Variants in TTC7A observed in about 807,000 individuals in gnomAD.
TTC7A encodes the protein tetratricopeptide repeat domain 7A, also known as tetratricopeptide repeat protein 7A.
A neutral mutation model predicts 103.7 loss-of-function variants in TTC7A; 110 were observed. The ratio of observed to expected loss-of-function variants is 1.06; its 90% CI spans 0.91 to 1.24. The LOEUF is 1.24. TTC7A is among the 50% of genes most tolerant of loss of function. The probability of loss-of-function intolerance (pLI) is 0.00; values close to 1 mark genes in which losing one functional copy is unlikely to be tolerated. For synonymous variants in TTC7A, 521 were observed against 467.9 expected (o/e 1.11, Z -1.47); for missense variants, 1,340 against 1,116.3 (o/e 1.20, Z -2.86).
At chr2:47,006,848 G>C in intron 10 of TTC7A, 124 bp downstream of exon 10, 1 of 757,768 alleles carries the variant, frequency 1.3e-6, no homozygotes. Flanking sequence ...TTGAACCTCC[G>C]GGAGAGTGAG....
chr2:47,001,545 T>C lies in TTC7A; in HGVS notation c.1066-4377T>C, dbSNP rs1676804030. Among the ~76,000 whole-genome samples the C allele has an allele frequency of 3.9e-5, 6 of 152,206 alleles. No homozygotes were observed. The South Asian group carries it at 1.2e-3, about 32-fold the overall frequency. On this transcript the variant is annotated intron_variant, in intron 8 of 19. Coordinates refer to ENST00000319190, the MANE Select transcript of TTC7A (RefSeq NM_020458.4). ...GTGAGGCCAGATGAGACGGTGGATG[T>C]GACAATTCAGCTTCTAAAGGAGTAA...
rs7560422 is a variant in TTC7A at position 46,949,842 on chromosome 2, C to T, written c.185-521C>T. Reference sequence around the variant, plus strand: ...GGAGTGCCATGATCATGCCAGTGCACTCCAGCTAGGGTGGCAGAGTGAGAC... The same window carrying T: ...GGAGTGCCATGATCATGCCAGTGCATTCCAGCTAGGGTGGCAGAGTGAGAC... On this transcript the variant is annotated intron_variant, in intron 1 of 19. Coordinates refer to ENST00000319190, the MANE Select transcript of TTC7A (RefSeq NM_020458.4). Among the ~76,000 whole-genome samples, 343 of 152,190 alleles carry T rather than the reference C, an allele frequency of 2.3e-3. 4 individuals are homozygous for T. The highest frequency in any genetic ancestry group is 8.0e-3 in the African/African-American group (331 of 41,534).
At chr2:47,033,186 C>T (rs1680748926) in intron 15 of TTC7A, among the ~76,000 whole-genome samples, 1 of 152,220 alleles carries the variant, frequency 6.6e-6, no homozygotes, top group South Asian at 2.1e-4. Context: ...GCCCTGTGTG[C>T]CTCCAGCTGT....
At chr2:46,916,151 C>T (rs1426614420), upstream of TTC7A, 6 of 985,424 alleles carry the variant, frequency 6.1e-6, no homozygotes, top group African/African-American at 5.2e-5. Context: ...CAACTCCGCT[C>T]ACCCCCTCCT....
At chr2:47,063,922 A>G (rs991748768) in intron 19 of TTC7A, among the ~76,000 whole-genome samples, 1 of 152,244 alleles carries the variant, frequency 6.6e-6, no homozygotes, top group Admixed American at 6.5e-5. Context: ...AAGAGGCTGA[A>G]GAAAGCCCAC....
intron 5 of TTC7A, among the ~76,000 whole-genome samples, chr2:46,986,054 G>A (rs928465569): frequency 1.3e-5 from 2 of 152,196 alleles, no homozygotes; most frequent in Non-Finnish European, 2.9e-5. Flanking sequence ...ACATTGGCAC[G>A]TGTCCTGGGT....
Position 47,046,338 on chromosome 2 carries a change from T to C in TTC7A, c.1826T>C (p.Leu609Pro). 6.2e-7 allele frequency: 1 copy of C among 1,614,136 alleles called. No homozygotes were observed. Among genetic ancestry groups the C allele is most frequent in the Non-Finnish European group, 8.5e-7 (1 of 1,180,014 alleles). ...NFNLMFTKVK[L>P]EQVLKGPEEA... is the part of the protein sequence containing the mutation. ...AGCCTGATGTTCACCAAGGTGAAGC[T>C]GGAGCAGGTGCTGAAAGGCCCAGAG... is the stretch of plus-strand genomic sequence containing the variant. Residue 609 changes from leucine to proline, a missense_variant, in exon 16 of 20, where the codon CTG (leucine) becomes CCG (proline). Coordinates refer to ENST00000319190, the MANE Select transcript of TTC7A (RefSeq NM_020458.4).
rs1279203026 is a variant in TTC7A, at chr2:46,961,580, T to TAAATAAATAAAA, written c.517+4584_517+4585insAAAATAAATAAA. Among the ~76,000 whole-genome samples the TAAATAAATAAAA allele has an allele frequency of 2.2e-3, 320 of 145,076 alleles. 2 individuals are homozygous for TAAATAAATAAAA. The highest frequency in any genetic ancestry group is 7.9e-3 in the African/African-American group (308 of 38,914). On this transcript the variant is annotated intron_variant, in intron 3 of 19. Transcript: ENST00000319190. Reference sequence around the variant, plus strand: ...TGACAGAGCAAGACTCCATCTCAAATAAATAAATAAATAAATAAATAAATA... The same window carrying TAAATAAATAAAA: ...TGACAGAGCAAGACTCCATCTCAAATAAATAAATAAAAAAATAAATAAATAAATAAATAAATA...
intron 8 of TTC7A, among the ~76,000 whole-genome samples, chr2:47,003,725 G>A (rs994534824): frequency 2.0e-5 from 3 of 152,148 alleles, no homozygotes; most frequent in Admixed American, 1.3e-4. Context: ...CCTCCACTCG[G>A]GGATGTGCAT....
At chr2:47,071,508 C>T (rs189885508) in intron 19 of TTC7A, among the ~76,000 whole-genome samples, 2 of 152,328 alleles carry the variant, frequency 1.3e-5, no homozygotes, top group Admixed American at 6.5e-5. Flanking sequence ...TCAAGTTGAT[C>T]ATTGCAGAAT....
At chr2:46,932,762 G>A (rs1309084453) in intron 2 of TTC7A, among the ~76,000 whole-genome samples, 2 of 151,690 alleles carry the variant, frequency 1.3e-5, no homozygotes, top group African/African-American at 2.4e-5. Flanking sequence ...TTAGCCAAGA[G>A]TGGTGGTGCA....
At chr2:46,985,568 T>G (rs1311494532) in intron 5 of TTC7A, among the ~76,000 whole-genome samples, 1 of 152,254 alleles carries the variant, frequency 6.6e-6, no homozygotes, top group African/African-American at 2.4e-5. Flanking sequence ...TGTATAATCC[T>G]GTGATGCAGG....
chr2:47,072,596 C>T (rs768738789), intron 19 of TTC7A, among the ~76,000 whole-genome samples: 10 of 152,198 alleles, frequency 6.6e-5, no homozygotes, highest in Non-Finnish European at 1.2e-4. Context: ...CGTCAGTGGG[C>T]GGGCACCGGA....
At chr2:46,935,091 G>A (rs556091165) in intron 2 of TTC7A, among the ~76,000 whole-genome samples, 8 of 152,114 alleles carry the variant, frequency 5.3e-5, no homozygotes, top group Admixed American at 6.5e-5. Flanking sequence ...GAGCCACCAC[G>A]CCGAGCCCTA....
intron 18 of TTC7A, among the ~76,000 whole-genome samples, chr2:47,058,638 A>C (rs555967639): frequency 6.6e-6 from 1 of 152,040 alleles, no homozygotes; most frequent in Non-Finnish European, 1.5e-5. Flanking sequence ...TGCGTTCCTC[A>C]TCTGTGTCTT....
upstream of TTC7A, among the ~76,000 whole-genome samples, chr2:46,939,994 A>G (rs13407588): frequency 0.058 from 8,880 of 152,188 alleles, 315 homozygotes; most frequent in African/African-American, 0.093. Context: ...AATCCTGCCC[A>G]CCAAACAAGG....
At chr2:47,022,018 G>A in intron 12 of TTC7A, 39 bp downstream of exon 12, 1 of 1,502,280 alleles carries the variant, frequency 6.7e-7, no homozygotes, top group Non-Finnish European at 9.2e-7. Flanking sequence ...CTTGGGGATG[G>A]CTCAGGCTTC....
chr2:47,012,135 T>C (rs1279338198), intron 11 of TTC7A, among the ~76,000 whole-genome samples: 6 of 152,230 alleles, frequency 3.9e-5, no homozygotes, highest in African/African-American at 1.4e-4. Flanking sequence ...CCTCCTGCCC[T>C]GGGCCTACTC....
At chr2:46,973,241 C>G (rs1343889564) in intron 3 of TTC7A, among the ~76,000 whole-genome samples, 2 of 152,162 alleles carry the variant, frequency 1.3e-5, no homozygotes, top group Non-Finnish European at 2.9e-5. Context: ...AGGGGAGAAA[C>G]TTGTCCTCGC....
Sources: allele counts gnomAD v4.1 joint callset (sites outside exome capture counted in the v4.1 genomes callset), GRCh38; gene constraint gnomAD v4.1.1; transcripts MANE v1.5; gene names NCBI Gene and HGNC (gene_info 2026-07-23, HGNC 2026-07-21).